BBX: variants seen among roughly 807,000 people sequenced by gnomAD.
BBX encodes the protein BBX high mobility group box domain containing, also known as HMG box transcription factor BBX.
BBX carries 30 observed loss-of-function variants against 100.2 expected under a neutral mutation model. That is an observed-to-expected ratio of 0.30 (90% CI 0.22 to 0.41). The LOEUF (loss-of-function observed/expected upper bound fraction) is 0.41, where lower values mean the gene tolerates loss of function less well. BBX is among the 10% of genes least tolerant of loss of function. BBX has a pLI of 1.00. For missense variants in BBX, 1,023 were observed against 1,129.8 expected (o/e 0.91, Z 1.35); for synonymous variants, 376 against 388.1 (o/e 0.97, Z 0.37).
At chr3:107,685,968 C>T (rs2059824295) in intron 3 of BBX, among the ~76,000 whole-genome samples, 5 of 152,226 alleles carry the variant, frequency 3.3e-5, no homozygotes, top group Middle Eastern at 6.8e-3. Context: ...AATAAAATTG[C>T]CCTTAAGAAG....
intron 2 of BBX, among the ~76,000 whole-genome samples, chr3:107,595,492 A>C (rs1244135139): frequency 1.3e-5 from 2 of 152,216 alleles, no homozygotes; most frequent in African/African-American, 4.8e-5. Context: ...TCGGACTATC[A>C]AACACATTAA....
chr3:107,732,848 G>A, intron 6 of BBX, 108 bp from the exon 7 acceptor site: 1 of 875,646 alleles, frequency 1.1e-6, no homozygotes, highest in East Asian at 2.7e-5. Flanking sequence ...AGTTATATGT[G>A]GTTCTGTTGG....
intron 2 of BBX, among the ~76,000 whole-genome samples, chr3:107,592,097 C>CA (rs1460090943): frequency 6.7e-6 from 1 of 148,650 alleles, no homozygotes; most frequent in Non-Finnish European, 1.5e-5. Flanking sequence ...AGTTAACAGT[C>CA]TCCCAGTTTA....
intron 3 of BBX, among the ~76,000 whole-genome samples, chr3:107,697,397 G>T (rs901920977): frequency 7.9e-5 from 12 of 151,446 alleles, no homozygotes; most frequent in Non-Finnish European, 1.0e-4. Context: ...CCTTTCTGTT[G>T]GTTAGTTTTC....
intron 9 of BBX, among the ~76,000 whole-genome samples, chr3:107,754,767 A>G (rs10804463): frequency 0.38 from 58,289 of 152,160 alleles, 12,376 homozygotes; most frequent in East Asian, 0.92. Flanking sequence ...ATCTTAGACT[A>G]TAGCTATCTA....
chr3:107,785,174 TG>T (rs1043194360), intron 13 of BBX, among the ~76,000 whole-genome samples: 10 of 147,400 alleles, frequency 6.8e-5, no homozygotes, highest in Admixed American at 2.7e-4. Context: ...TTAAAGTATC[TG>T]GGGGAAAAAA....
intron 2 of BBX, among the ~76,000 whole-genome samples, chr3:107,592,933 T>C (rs1042363656): frequency 2.0e-5 from 3 of 152,230 alleles, no homozygotes; most frequent in Non-Finnish European, 4.4e-5. Flanking sequence ...TTGATCTTTC[T>C]ATACAGAAGT....
intron 5 of BBX, among the ~76,000 whole-genome samples, chr3:107,718,798 A>C (rs1272105350): frequency 6.6e-6 from 1 of 152,130 alleles, no homozygotes; most frequent in African/African-American, 2.4e-5. Context: ...AAGGTAGCCC[A>C]GTGCAGTCTA....
chr3:107,687,873 G>A, intron 3 of BBX, among the ~76,000 whole-genome samples: 1 of 152,030 alleles, frequency 6.6e-6, no homozygotes, highest in Non-Finnish European at 1.5e-5. Flanking sequence ...TGGCCAACAT[G>A]GCGAAACCCC....
chr3:107,616,938 G>T (rs2055336686), intron 2 of BBX, among the ~76,000 whole-genome samples: 1 of 151,776 alleles, frequency 6.6e-6, no homozygotes, highest in Non-Finnish European at 1.5e-5. Flanking sequence ...TCATGCTTCT[G>T]GTGTCAAGTC....
intron 3 of BBX, among the ~76,000 whole-genome samples, chr3:107,653,529 A>T (rs2057965238): frequency 6.6e-6 from 1 of 152,184 alleles, no homozygotes; most frequent in Non-Finnish European, 1.5e-5. Flanking sequence ...TTGATCTATG[A>T]AGCTGATAGA....
At chr3:107,703,582 A>G (rs1445335230) in intron 3 of BBX, among the ~76,000 whole-genome samples, 5 of 152,232 alleles carry the variant, frequency 3.3e-5, no homozygotes, top group African/African-American at 1.2e-4. Context: ...AGTATTCATG[A>G]AGAGCATATC....
intron 10 of BBX, among the ~76,000 whole-genome samples, chr3:107,769,403 C>T (rs1436831701): frequency 6.6e-6 from 1 of 152,108 alleles, no homozygotes; most frequent in Admixed American, 6.5e-5. Flanking sequence ...CATTTCTTAG[C>T]CTCTGTTTCC....
chr3:107,591,216 ATT>A (rs35268307), intron 2 of BBX, among the ~76,000 whole-genome samples: 1 of 150,532 alleles, frequency 6.6e-6, no homozygotes, highest in Non-Finnish European at 1.5e-5. Context: ...CTTTTTAAGG[ATT>A]TTTTTTTTAA....
chr3:107,558,077 C>T (rs1036209320), intron 2 of BBX, among the ~76,000 whole-genome samples: 1 of 152,178 alleles, frequency 6.6e-6, no homozygotes, highest in African/African-American at 2.4e-5. Flanking sequence ...AATTTGAGAT[C>T]TACTGGGTTA....
intron 10 of BBX, among the ~76,000 whole-genome samples, chr3:107,758,839 A>G (rs956717513): frequency 4.6e-5 from 7 of 152,212 alleles, no homozygotes; most frequent in African/African-American, 1.4e-4. Context: ...TCTGTCTTCT[A>G]TTCTCTAAAT....
intron 2 of BBX, among the ~76,000 whole-genome samples, chr3:107,541,159 G>A (rs369026165): frequency 9.2e-5 from 14 of 152,114 alleles, no homozygotes; most frequent in East Asian, 5.8e-4. Context: ...TCTTAGGTAG[G>A]TGTCCTTATT....
intron 2 of BBX, among the ~76,000 whole-genome samples, chr3:107,559,617 C>T (rs551942460): frequency 3.3e-5 from 5 of 152,244 alleles, no homozygotes; most frequent in Admixed American, 3.3e-4. Flanking sequence ...AACTAAAACT[C>T]AGGGATGGAT....
intron 15 of BBX, among the ~76,000 whole-genome samples, chr3:107,796,636 G>T (rs963111): frequency 0.44 from 66,455 of 151,890 alleles, 15,952 homozygotes; most frequent in East Asian, 0.93. Context: ...GAATTTTAAG[G>T]CTAAAATAGA....
Sources: allele counts gnomAD v4.1 joint callset (sites outside exome capture counted in the v4.1 genomes callset), GRCh38; gene constraint gnomAD v4.1.1; transcripts MANE v1.5; gene names NCBI Gene and HGNC (gene_info 2026-07-23, HGNC 2026-07-21).